The following RHEX variants were observed in gnomAD, a reference collection of about 807,000 sequenced individuals.
RHEX encodes the protein regulator of hemoglobinization and erythroid cell expansion protein.
A neutral mutation model predicts 20.1 loss-of-function variants in RHEX; 18 were observed. That is an observed-to-expected ratio of 0.90 (90% CI 0.62 to 1.33). RHEX has a LOEUF of 1.33. Ranked by LOEUF, RHEX falls within the 40% of genes most tolerant of loss-of-function variation. The pLI, the probability that RHEX is intolerant of heterozygous loss-of-function variation, is 0.00. For missense variants in RHEX, 192 were observed against 214.3 expected, an observed-to-expected ratio of 0.90 and a Z score of 0.65; for synonymous variants, 87 against 77.1, an observed-to-expected ratio of 1.13 and a Z score of -0.67.
At chr1:206,065,677 T>C (rs1436785704) in intron 1 of RHEX, among the ~76,000 whole-genome samples, 1 of 152,222 alleles carries the variant, frequency 6.6e-6, no homozygotes, top group African/African-American at 2.4e-5. Flanking sequence ...AGGAAAGTCC[T>C]GCCTGTGGGA....
At position 206,067,162 on chromosome 1, in the gene RHEX, C is replaced by A. The variant is rs1553284248; in HGVS notation, c.-97+13897C>A. On this transcript the variant is annotated intron_variant, in intron 1 of 5. Coordinates refer to ENST00000331555, the MANE Select transcript of RHEX (RefSeq NM_001007544.4). The surrounding 1 kb of genome is among the most constrained non-coding windows in gnomAD (Gnocchi z 4.6). ...ATAACACAAAGAGGGGGTACTGAGG[C>A]ATATCTAACCTCCTATCTCATCAAA... Among the ~76,000 whole-genome samples, 2 of 152,140 alleles carry A rather than the reference C, an allele frequency of 1.3e-5. No individual in the cohort carries two copies. Among genetic ancestry groups the A allele is most frequent in the East Asian group, 3.8e-4 (2 of 5,200 alleles).
chr1:206,088,154 T>G (rs1662874860), intron 1 of RHEX, among the ~76,000 whole-genome samples: 2 of 152,142 alleles, frequency 1.3e-5, no homozygotes, highest in African/African-American at 4.8e-5. Context: ...AAATAAATAT[T>G]TTTCTTAATT....
intron 1 of RHEX, among the ~76,000 whole-genome samples, chr1:206,071,648 A>G (rs1322743210): frequency 6.6e-6 from 1 of 151,570 alleles, no homozygotes; most frequent in Non-Finnish European, 1.5e-5. Flanking sequence ...GGAGTTCAAG[A>G]CCAGTCTGGG....
intron 1 of RHEX, among the ~76,000 whole-genome samples, chr1:206,092,399 T>G (rs1211492747): frequency 6.6e-6 from 1 of 152,218 alleles, no homozygotes; most frequent in Non-Finnish European, 1.5e-5. Context: ...TCTTACATAT[T>G]AAAAGACTGA....
At chr1:206,089,223 G>C (rs1553286702) in intron 1 of RHEX, among the ~76,000 whole-genome samples, 1 of 150,330 alleles carries the variant, frequency 6.7e-6, no homozygotes, top group Admixed American at 6.6e-5. Context: ...AACATTTTTT[G>C]TAGAGAGGGG....
At chr1:206,099,323 T>C (rs1440159403) in intron 3 of RHEX, among the ~76,000 whole-genome samples, 2 of 134,180 alleles carry the variant, frequency 1.5e-5, no homozygotes, top group African/African-American at 6.4e-5. Context: ...CAGCTTCCAC[T>C]TTTTTTTTTT....
At chr1:206,091,990 G>C (rs533251611) in intron 1 of RHEX, among the ~76,000 whole-genome samples, 27 of 152,232 alleles carry the variant, frequency 1.8e-4, no homozygotes, top group Non-Finnish European at 3.4e-4. Flanking sequence ...AGGTATTGAG[G>C]AGGTAAGTCT....
At position 206,101,776 on chromosome 1, in the gene RHEX, C is replaced by T. The variant is rs1190319974; in HGVS notation, c.343C>T (p.Gln115Ter). Residue 115 changes from glutamine (Q) to a stop codon, truncating the protein, a stop_gained, in exon 6 of 6, where the codon CAA becomes TAA. Coordinates refer to ENST00000331555, the MANE Select transcript of RHEX (RefSeq NM_001007544.4). LOFTEE classifies it high-confidence loss of function. Reference protein sequence around the residue: ...CQATEDVDYTQVVFSDPGELK... With the variant: ...CQATEDVDYT Reference sequence around the variant, plus strand: ...GGCCACAGAGGATGTGGATTACACACAAGTCGTCTTTTCTGACCCTGGAGA... The same window carrying T: ...GGCCACAGAGGATGTGGATTACACATAAGTCGTCTTTTCTGACCCTGGAGA... The T allele has an allele frequency of 5.6e-6, 9 of 1,613,558 alleles. No individual in the cohort carries two copies. Among genetic ancestry groups the T allele is most frequent in the African/African-American group, 1.3e-5 (1 of 74,926 alleles).
At chr1:206,068,839 G>A (rs1255598227) in intron 1 of RHEX, among the ~76,000 whole-genome samples, 3 of 152,152 alleles carry the variant, frequency 2.0e-5, no homozygotes, top group Non-Finnish European at 2.9e-5. Flanking sequence ...TTCCCCAGGG[G>A]GCATCCCATA....
At chr1:206,088,823 G>A (rs1290102817) in intron 1 of RHEX, among the ~76,000 whole-genome samples, 2 of 151,934 alleles carry the variant, frequency 1.3e-5, no homozygotes, top group Admixed American at 1.3e-4. Flanking sequence ...TTCTTTTTAT[G>A]TTCACTTTTT....
intron 2 of RHEX, 54 bp from the exon 3 acceptor site, chr1:206,098,027 A>G (rs747402831): frequency 2.8e-6 from 4 of 1,428,254 alleles, no homozygotes; most frequent in Admixed American, 1.7e-5. Flanking sequence ...TAGGTTTGCA[A>G]TTGTATTCAC....
chr1:206,077,742 G>T (rs1662662624), intron 1 of RHEX, among the ~76,000 whole-genome samples: 1 of 152,216 alleles, frequency 6.6e-6, no homozygotes, highest in Non-Finnish European at 1.5e-5. Flanking sequence ...GGGGATGCTT[G>T]TTGCTGCTGT....
intron 1 of RHEX, among the ~76,000 whole-genome samples, chr1:206,088,128 C>T (rs1662873437): frequency 6.6e-6 from 1 of 151,648 alleles, no homozygotes; most frequent in Admixed American, 6.6e-5. Context: ...TTTTTATTAA[C>T]TAATTAAACA....
At chr1:206,062,884 G>C (rs1180693249) in intron 1 of RHEX, among the ~76,000 whole-genome samples, 2 of 152,170 alleles carry the variant, frequency 1.3e-5, no homozygotes, top group African/African-American at 4.8e-5. Context: ...TCTAGGTCCT[G>C]GGAATACAGC....
chr1:206,065,414 C>T (rs1487774081), intron 1 of RHEX, among the ~76,000 whole-genome samples: 1 of 152,172 alleles, frequency 6.6e-6, no homozygotes, highest in African/African-American at 2.4e-5. Context: ...TCTCTGGAGG[C>T]AGCTAGAAGG....
intron 1 of RHEX, among the ~76,000 whole-genome samples, chr1:206,056,136 G>C (rs28894738): frequency 6.6e-6 from 1 of 151,944 alleles, no homozygotes; most frequent in South Asian, 2.1e-4. Flanking sequence ...CCCGGTGTCA[G>C]AGAGCCCAGT....
intron 1 of RHEX, among the ~76,000 whole-genome samples, chr1:206,059,639 C>G (rs1662269306): frequency 6.6e-6 from 1 of 152,082 alleles, no homozygotes; most frequent in African/African-American, 2.4e-5. Flanking sequence ...GGTTTGGAGT[C>G]AAAATGCCTG....
intron 1 of RHEX, among the ~76,000 whole-genome samples, chr1:206,090,228 A>T (rs1401614166): frequency 1.6e-5 from 2 of 124,066 alleles, no homozygotes; most frequent in Non-Finnish European, 1.6e-5. Flanking sequence ...TTTTTTTGAG[A>T]CAGAGTCTCA....
intron 1 of RHEX, among the ~76,000 whole-genome samples, chr1:206,057,456 T>A (rs1315456895): frequency 6.6e-6 from 1 of 152,282 alleles, no homozygotes; most frequent in Non-Finnish European, 1.5e-5. Flanking sequence ...AGCTGTATAA[T>A]GGTACCACAA....
Sources: allele counts gnomAD v4.1 joint callset (sites outside exome capture counted in the v4.1 genomes callset), GRCh38; gene constraint gnomAD v4.1.1; non-coding constraint Gnocchi (gnomAD v3.1); transcripts MANE v1.5; gene names NCBI Gene and HGNC (gene_info 2026-07-23, HGNC 2026-07-21).